Variants in SLCO1A2 observed in about 807,000 individuals in gnomAD.
SLCO1A2 encodes OATP-1.
Under a neutral mutation model 69.0 loss-of-function variants are expected in SLCO1A2, and 67 were observed. The observed-to-expected ratio is 0.97, with a 90% confidence interval of 0.80 to 1.19. The LOEUF (loss-of-function observed/expected upper bound fraction) is 1.19, where lower values mean the gene tolerates loss of function less well. Among genes scored for constraint, SLCO1A2 ranks in the 50% most tolerant of loss-of-function variants. The pLI is 0.00. For synonymous variants in SLCO1A2, 260 were observed against 265.9 expected (o/e 0.98, Z 0.22); for missense variants, 787 against 793.7 (o/e 0.99, Z 0.10).
intron 1 of SLCO1A2, among the ~76,000 whole-genome samples, chr12:21,413,142 C>T (rs60848157): frequency 0.012 from 1,876 of 151,202 alleles, 33 homozygotes; most frequent in African/African-American, 0.043. Flanking sequence ...TCCTTTCTTC[C>T]TATATTATTT....
chr12:21,360,386 A>C (rs1243677237), intron 2 of SLCO1A2, among the ~76,000 whole-genome samples: 1 of 152,256 alleles, frequency 6.6e-6, no homozygotes, highest in Non-Finnish European at 1.5e-5. Flanking sequence ...AAGGATCATC[A>C]GATATTTAAA....
chr12:21,331,368 A>G (rs1323962862), intron 2 of SLCO1A2, among the ~76,000 whole-genome samples: 1 of 152,118 alleles, frequency 6.6e-6, no homozygotes, highest in Middle Eastern at 3.2e-3. Context: ...ACAGAAACCA[A>G]GCGCATAATT....
intron 6 of SLCO1A2, among the ~76,000 whole-genome samples, chr12:21,302,517 C>T (rs1948836310): frequency 1.3e-5 from 2 of 151,818 alleles, no homozygotes; most frequent in Admixed American, 6.6e-5. Flanking sequence ...TCCACAGCAA[C>T]CTTATTTCTC....
intron 2 of SLCO1A2, among the ~76,000 whole-genome samples, chr12:21,372,329 G>T (rs1939861112): frequency 6.6e-6 from 1 of 151,956 alleles, no homozygotes; most frequent in Non-Finnish European, 1.5e-5. Context: ...ATTTTGTTTT[G>T]TTCCCTGTCA....
chr12:21,318,978 G>T, intron 2 of SLCO1A2, 55 bp from the exon 3 acceptor site: 1 of 1,354,614 alleles, frequency 7.4e-7, no homozygotes. Flanking sequence ...TTGTATACTT[G>T]CCGTCTGTTG....
At chr12:21,296,474 C>T (rs1004604436) in intron 9 of SLCO1A2, among the ~76,000 whole-genome samples, 1 of 152,138 alleles carries the variant, frequency 6.6e-6, no homozygotes, top group Non-Finnish European at 1.5e-5. Flanking sequence ...AACTCCTGGC[C>T]TCAAGTGATC....
intron 2 of SLCO1A2, among the ~76,000 whole-genome samples, chr12:21,371,528 C>G (rs890682813): frequency 4.6e-5 from 7 of 152,126 alleles, no homozygotes; most frequent in Non-Finnish European, 1.0e-4. Flanking sequence ...CACCTTCAAA[C>G]AATGTTACAA....
intron 2 of SLCO1A2, among the ~76,000 whole-genome samples, chr12:21,352,951 C>T (rs1212712041): frequency 2.6e-5 from 4 of 152,110 alleles, no homozygotes; most frequent in Admixed American, 1.3e-4. Context: ...ATTAAACTTT[C>T]GAACAGTGGT....
chr12:21,362,241 T>C (rs1565516154), intron 2 of SLCO1A2, among the ~76,000 whole-genome samples: 1 of 152,162 alleles, frequency 6.6e-6, no homozygotes, highest in Non-Finnish European at 1.5e-5. Flanking sequence ...TGGGGGCCAA[T>C]ATTCAACATT....
At chr12:21,319,644 C>A (rs1951349233) in intron 2 of SLCO1A2, 5 of 381,008 alleles carry the variant, frequency 1.3e-5, no homozygotes, top group South Asian at 1.1e-4. Flanking sequence ...CTTTCCTGAA[C>A]CTTGGAGAAT....
At chr12:21,340,693 T>C (rs1055604028) in intron 2 of SLCO1A2, among the ~76,000 whole-genome samples, 1 of 151,910 alleles carries the variant, frequency 6.6e-6, no homozygotes, top group Non-Finnish European at 1.5e-5. Context: ...CATTTCCTAC[T>C]ATGAGCTTGC....
At chr12:21,274,756 A>G (rs984121202) in intron 13 of SLCO1A2, 170 bp from the exon 14 acceptor site, 2 of 691,180 alleles carry the variant, frequency 2.9e-6, no homozygotes, top group African/African-American at 3.6e-5. Context: ...AAAGTTTCTA[A>G]ATTATTAAAA....
rs751837771 is a variant in SLCO1A2 at position 21,319,321 on chromosome 12, G to A, written c.61-398C>T. 2.2e-6 allele frequency: 3 copies of A among 1,361,732 alleles called. No individual in the cohort carries two copies. In the South Asian group the frequency reaches 3.4e-5, roughly 15 times the overall value. The allele number at this position is 1,361,732 out of a possible 1,614,324, so 84.4% of individuals were successfully genotyped here. On this transcript the variant is annotated intron_variant, in intron 2 of 14. Coordinates refer to ENST00000683939, the MANE Select transcript of SLCO1A2 (RefSeq NM_001386879.1). ...AGAATTATACAAAGACATTATTTCG[G>A]TAGCAAATATACTTAAGTTCTCTCT... is the stretch of plus-strand genomic sequence containing the variant.
chr12:21,414,164 A>T (rs2137209801), intron 1 of SLCO1A2, among the ~76,000 whole-genome samples: 1 of 151,876 alleles, frequency 6.6e-6, no homozygotes, highest in South Asian at 2.1e-4. Context: ...AAATTCCCTT[A>T]TTTCCTAGTT....
At chr12:21,413,395 C>T (rs965108179) in intron 1 of SLCO1A2, among the ~76,000 whole-genome samples, 3 of 151,710 alleles carry the variant, frequency 2.0e-5, no homozygotes, top group Admixed American at 2.0e-4. Flanking sequence ...GCGCGCGCCA[C>T]CATGCCTGGC....
rs569168040 is a variant in SLCO1A2, at chr12:21,309,157, CAAG to C, written c.336-2172_336-2170del. 4.0e-3 allele frequency among the ~76,000 whole-genome samples: 608 copies of C among 151,002 alleles called. 4 individuals carry two copies. The highest frequency in any genetic ancestry group is 5.1e-3 in the Non-Finnish European group (347 of 67,872). On this transcript the variant is annotated intron_variant, in intron 4 of 14. Transcript: ENST00000683939. ...TAAAGTTAAATCTCCCAGAAAGTAA[CAAG>C]AAGACAAGAGGACAAAAAAGTAGGG... is the stretch of plus-strand genomic sequence containing the variant.
At chr12:21,352,409 A>T (rs1938032736) in intron 2 of SLCO1A2, among the ~76,000 whole-genome samples, 1 of 152,198 alleles carries the variant, frequency 6.6e-6, no homozygotes, top group Admixed American at 6.5e-5. Flanking sequence ...GCTTATTACC[A>T]TAGTTCCTCC....
In SLCO1A2 at chr12:21,388,579, C is replaced by T. The variant is rs374352024; in HGVS notation, c.-190+6327G>A. Among the ~76,000 whole-genome samples the T allele has an allele frequency of 4.6e-5, 7 of 152,212 alleles. No individual in the cohort carries two copies. In the East Asian group the frequency reaches 5.8e-4, roughly 13 times the overall value. On this transcript the variant is annotated intron_variant, in intron 1 of 15. Transcript: ENST00000307378. ...CCCAGCCATGTGGAACTATGAGTCC[C>T]TTAAATCTCTCTTTATTTATAAATT...
chr12:21,403,627 C>G (rs1202761788), intron 1 of SLCO1A2: 2 of 149,774 alleles, frequency 1.3e-5, no homozygotes, highest in African/African-American at 4.9e-5. Context: ...TTCTTTGGCT[C>G]TGATGGTTGC....
Sources: gnomAD v4.1 joint callset for allele counts (sites outside exome capture counted in the v4.1 genomes callset) on GRCh38, gnomAD v4.1.1 for gene constraint, MANE v1.5 for transcripts, NCBI Gene and HGNC (gene_info 2026-07-23, HGNC 2026-07-21) for gene names.